DYNC1H1: variants seen among roughly 807,000 people sequenced by gnomAD.
The protein encoded by DYNC1H1 is cytoplasmic dynein 1 heavy chain 1.
DYNC1H1 carries 51 observed loss-of-function variants against 527.1 expected under a neutral mutation model. The ratio of observed to expected loss-of-function variants is 0.10; its 90% confidence interval spans 0.08 to 0.12. The LOEUF (loss-of-function observed/expected upper bound fraction) is 0.12. Ranked by LOEUF, DYNC1H1 falls within the 10% of genes least tolerant of loss-of-function variation. DYNC1H1 has a pLI of 1.00. For missense variants in DYNC1H1, 2,771 were observed against 5,971.8 expected, an observed-to-expected ratio of 0.46 and a Z score of 17.66; for synonymous variants, 2,189 against 2,278.8, an observed-to-expected ratio of 0.96 and a Z score of 1.12.
At chr14:102,045,586 G>A (rs2048707463) in intron 72 of DYNC1H1, among the ~76,000 whole-genome samples, 1 of 151,930 alleles carries the variant, frequency 6.6e-6, no homozygotes, top group African/African-American at 2.4e-5. Context: ...ACTCCAGCTT[G>A]GGCAACAGAA....
Position 102,010,883 on chromosome 14 carries a change from G to C in DYNC1H1, c.6549G>C (p.Lys2183Asn). 4 of 1,614,270 alleles carry C rather than the reference G, an allele frequency of 2.5e-6. No individual in the cohort carries two copies. The highest frequency in any genetic ancestry group is 3.4e-6 in the Non-Finnish European group (4 of 1,180,052). ...GEMTALREEL[K>N]KVCQEMYLTY... ...TGACTGCCCTTCGAGAGGAGCTGAA[G>C]AAAGTGTGTCAGGAGATGTATTTGA... The change falls in exon 32 of 78, where the codon AAG becomes AAC. Residue 2183 changes from lysine (K) to asparagine (N), a missense_variant. Physicochemically the swap from Lys to Asn is moderately conservative, Grantham distance 94 (BLOSUM62 0). This residue lies in a region of DYNC1H1 where 56 missense variants were observed against 140.6 expected (regional missense o/e 0.40). Coordinates refer to ENST00000360184, the MANE Select transcript of DYNC1H1 (RefSeq NM_001376.5). This position sits in a 1 kb window ranked among gnomAD's most constrained non-coding sequence, Gnocchi z 6.0.
At chr14:101,975,488 A>G (rs932976535) in intron 1 of DYNC1H1, among the ~76,000 whole-genome samples, 41 of 152,204 alleles carry the variant, frequency 2.7e-4, no homozygotes, top group African/African-American at 9.7e-4. Context: ...AAGCCCTGGC[A>G]TGCTCACGCT....
chr14:101,988,773 C>G lies in DYNC1H1; in HGVS notation c.2789C>G (p.Ala930Gly). The G allele has an allele frequency of 6.2e-7, 1 of 1,614,160 alleles. No homozygotes were observed. The highest frequency in any genetic ancestry group is 8.5e-7 in the Non-Finnish European group (1 of 1,180,040). ...TGGACGCAGGTTCTTCTTGGACAAG[C>G]TGAAGATAAAGCAGAAGTTGACATG... is the stretch of plus-strand genomic sequence containing the variant. ...RAWTQVLLGQ[A>G]EDKAEVDMDT... The change falls in exon 10 of 78, where the codon GCT (alanine) becomes GGT (glycine). Residue 930 changes from alanine (A) to glycine (G), a missense_variant. Physicochemically the swap from Ala to Gly is moderately conservative, Grantham distance 60. Around this residue, in one of 32 missense-constraint regions of DYNC1H1, gnomAD observed 179 missense variants for 349.4 expected, o/e 0.51. Coordinates refer to ENST00000360184, the MANE Select transcript of DYNC1H1 (RefSeq NM_001376.5).
At chr14:101,995,445 A>G (rs1243530795) in intron 15 of DYNC1H1, 145 bp downstream of exon 15, 14 of 1,067,468 alleles carry the variant, frequency 1.3e-5, no homozygotes, top group African/African-American at 4.7e-5. Context: ...TGCTGTCTCT[A>G]CTAAAAATAC....
rs755574771 is a variant in DYNC1H1, at chr14:102,047,801, T to G, written c.13007-16T>G. On this transcript the variant is annotated splice_polypyrimidine_tract_variant and intron_variant, in intron 72 of 77. Transcript: ENST00000360184. ...CCCTCCCTCCTTCCTGCTGCGACTG[T>G]GGGACTGTGGCCCAGGTGTGGACAT... 6.2e-6 allele frequency: 10 copies of G among 1,612,818 alleles called. No homozygotes were observed. The highest frequency in any genetic ancestry group is 8.5e-6 in the Non-Finnish European group (10 of 1,179,944).
chr14:102,016,012 C>A lies in DYNC1H1; in HGVS notation c.7399C>A (p.Arg2467Ser). The change falls in exon 36 of 78, where the codon CGC (arginine) becomes AGC (serine). Residue 2467 changes from arginine to serine, a missense_variant. By Grantham distance (110) the Arg-to-Ser change is moderately radical (BLOSUM62 -1). Transcript: ENST00000360184. This position sits in a 1 kb window ranked among gnomAD's most constrained non-coding sequence, Gnocchi z 7.3. ...CTTCTCCATGCTGCACCAGGCCTGC[C>A]GCAACGTGGCGCAGTATAACGCCAA... is the stretch of plus-strand genomic sequence containing the variant. ...SLFSMLHQAC[R>S]NVAQYNANHP... 2 of 1,613,710 alleles carry A rather than the reference C, an allele frequency of 1.2e-6. No homozygotes were observed. The highest frequency in any genetic ancestry group is 1.7e-6 in the Non-Finnish European group (2 of 1,179,970).
At position 101,994,267 on chromosome 14, in the gene DYNC1H1, G is replaced by A. The variant is rs375803842; in HGVS notation, c.3099G>A (p.Leu1033=). Residue 1033 remains leucine (L), a synonymous_variant, in exon 12 of 78, where the codon CTG becomes CTA. Transcript: ENST00000360184. Reference sequence around the variant, plus strand: ...GGATGCCTGATGGCCCTGTTGCCCTGGAAGAGTCGTATTCTGCTGTCATGG... The same window carrying A: ...GGATGCCTGATGGCCCTGTTGCCCTAGAAGAGTCGTATTCTGCTGTCATGG... ...LTRMPDGPVA[L]EESYSAVMGI... 2 of 1,614,060 alleles carry A rather than the reference G, an allele frequency of 1.2e-6. No homozygotes were observed. Among genetic ancestry groups the A allele is most frequent in the African/African-American group, 2.7e-5 (2 of 74,928 alleles).
Position 102,050,208 on chromosome 14 carries a change from C to T in DYNC1H1, c.13812+10C>T. The T allele has an allele frequency of 6.2e-7, 1 of 1,614,026 alleles. No individual in the cohort carries two copies. Among genetic ancestry groups the T allele is most frequent in the South Asian group, 1.1e-5 (1 of 91,074 alleles). ...GAAGAAGGCCAGTGTGGTAAGGAGG[C>T]ACTGCCTTTCCCAGGCATTCTGCAG... On this transcript the variant is annotated intron_variant, in intron 77 of 77. Transcript: ENST00000360184.
chr14:101,994,617 A>T (rs563702800), intron 12 of DYNC1H1, 56 bp from the exon 13 acceptor site: 2 of 1,599,298 alleles, frequency 1.3e-6, no homozygotes, highest in African/African-American at 2.7e-5. Flanking sequence ...AAGAGGTGCC[A>T]GTATTCTACA....
Position 102,036,886 on chromosome 14 carries a change from A to G in DYNC1H1, c.10908+244A>G, listed in dbSNP as rs2048582096. 1 of 423,856 alleles carries G rather than the reference A, an allele frequency of 2.4e-6. No individual in the cohort carries two copies. Among genetic ancestry groups the G allele is most frequent in the Non-Finnish European group, 4.4e-6 (1 of 226,916 alleles). The allele number at this position is 423,856 out of a possible 1,614,324, so 26.3% of individuals were successfully genotyped here. A position where few individuals can be genotyped will look rare whatever the true frequency, so the allele number is the denominator to read the frequency against. ...TTTGGGAGGCCGAGGCGGGTGGATC[A>G]TCTAAGGTCAGGAATTCAAGAAAAG... On this transcript the variant is annotated intron_variant, in intron 57 of 77. Coordinates refer to ENST00000360184, the MANE Select transcript of DYNC1H1 (RefSeq NM_001376.5). The surrounding 1 kb of genome is among the most constrained non-coding windows in gnomAD (Gnocchi z 5.6).
intron 1 of DYNC1H1, among the ~76,000 whole-genome samples, chr14:101,967,991 A>G (rs1403419191): frequency 6.6e-6 from 1 of 152,228 alleles, no homozygotes; most frequent in African/African-American, 2.4e-5. Flanking sequence ...CCTGTAGGAA[A>G]TTGTCTTCCT....
At chr14:102,023,663 A>T (rs2048415309) in intron 43 of DYNC1H1, 1 of 153,774 alleles carries the variant, frequency 6.5e-6, no homozygotes, top group African/African-American at 2.4e-5. Context: ...AGCCTGGACA[A>T]CATGCTGAAA....
Position 102,047,641 on chromosome 14 carries a change from G to GTGTGTATA in DYNC1H1, c.13007-175_13007-174insGTGTATAT. ...TACACGTGTGTGTGTGTGTGTGTGT[G>GTGTGTATA]TATATATATATATATATATATATGT... On this transcript the variant is annotated intron_variant, in intron 72 of 77. Transcript: ENST00000360184. 31 of 316,742 alleles carry GTGTGTATA rather than the reference G, an allele frequency of 9.8e-5. No individual in the cohort carries two copies. The African/African-American group carries it at 9.8e-4, about 10-fold the overall frequency. The allele number at this position is 316,742 out of a possible 1,614,324, so 19.6% of individuals were successfully genotyped here. A position where few individuals can be genotyped will look rare whatever the true frequency, so the allele number is the denominator to read the frequency against.
In DYNC1H1 at chr14:102,039,780, C is replaced by A. The variant is rs2152595353; in HGVS notation, c.11690+48C>A. ...GAGGATGCCATATTGCTGGTGGCCCCCAAGGGTTTCATGATCAGATACATG... is the reference window on the plus strand; with the variant it reads ...GAGGATGCCATATTGCTGGTGGCCCACAAGGGTTTCATGATCAGATACATG... On this transcript the variant is annotated intron_variant, in intron 62 of 77. Coordinates refer to ENST00000360184, the MANE Select transcript of DYNC1H1 (RefSeq NM_001376.5). The surrounding 1 kb of genome is among the most constrained non-coding windows in gnomAD (Gnocchi z 7.0). 1.3e-6 allele frequency: 2 copies of A among 1,587,736 alleles called. No homozygotes were observed. The highest frequency in any genetic ancestry group is 2.2e-5 in the South Asian group (2 of 90,508).
rs1470218453 is a variant in DYNC1H1, at chr14:101,985,686, G to A, written c.1462-1G>A. Reference sequence around the variant, plus strand: ...CTTGATTACATATCTTTCTCCTTTAGGTCACGGCAGTTGCACAACAGAATC... The same window carrying A: ...CTTGATTACATATCTTTCTCCTTTAAGTCACGGCAGTTGCACAACAGAATC... On this transcript the variant is annotated splice_acceptor_variant, in intron 7 of 77. Transcript: ENST00000360184. LOFTEE classifies it high-confidence loss of function. The surrounding 1 kb of genome is among the most constrained non-coding windows in gnomAD (Gnocchi z 5.9). The A allele has an allele frequency of 6.2e-7, 1 of 1,614,104 alleles. No homozygotes were observed. The highest frequency in any genetic ancestry group is 1.7e-5 in the Admixed American group (1 of 60,016).
chr14:102,048,277 C>T, intron 73 of DYNC1H1: 1 of 712,892 alleles, frequency 1.4e-6, no homozygotes, highest in Non-Finnish European at 2.3e-6. Flanking sequence ...GCAGCCGCAG[C>T]CCTTCCTCCC....
rs77113510 is a variant in DYNC1H1, at chr14:102,018,577, G to T, written c.8304G>T (p.Pro2768=). ...CATCCCTGCGGACGTATGCAGAGCC[G>T]CTCACTGCTGCCATGGTGGAGTTCT... ...LIPSLRTYAE[P]LTAAMVEFYT... Residue 2768 remains proline (P), a synonymous_variant, in exon 41 of 78, where the codon CCG becomes CCT. Transcript: ENST00000360184. This position sits in a 1 kb window ranked among gnomAD's most constrained non-coding sequence, Gnocchi z 5.2. 6 of 1,612,958 alleles carry T rather than the reference G, an allele frequency of 3.7e-6. No homozygotes were observed. The highest frequency in any genetic ancestry group is 5.1e-6 in the Non-Finnish European group (6 of 1,179,718).
intron 7 of DYNC1H1, among the ~76,000 whole-genome samples, chr14:101,984,441 A>G (rs1338725118): frequency 3.3e-5 from 4 of 121,552 alleles, no homozygotes; most frequent in African/African-American, 1.1e-4. Context: ...GTATATATAT[A>G]TATATTATAT....
chr14:102,025,565 G>GAAA (rs3067914), intron 43 of DYNC1H1, among the ~76,000 whole-genome samples: 1 of 102,330 alleles, frequency 9.8e-6, no homozygotes, highest in Non-Finnish European at 1.9e-5. Flanking sequence ...CTGTCTCAAG[G>GAAA]AAAAAAAAAA....
Sources: allele counts gnomAD v4.1 joint callset (sites outside exome capture counted in the v4.1 genomes callset), GRCh38; gene constraint gnomAD v4.1.1; regional missense constraint gnomAD v4.1.1; non-coding constraint Gnocchi (gnomAD v3.1); transcripts MANE v1.5; gene names NCBI Gene and HGNC (gene_info 2026-07-23, HGNC 2026-07-21).